NCKAP5: variants seen among roughly 807,000 people sequenced by gnomAD.
NCKAP5 encodes nck-associated protein 5.
A neutral mutation model predicts 167.0 loss-of-function variants in NCKAP5; 92 were observed. The ratio of observed to expected loss-of-function variants is 0.55; its 90% CI spans 0.47 to 0.66. The LOEUF is 0.66. Among genes scored for constraint, NCKAP5 ranks in the 30% least tolerant of loss-of-function variants. NCKAP5 has a pLI of 0.00. For synonymous variants in NCKAP5, 891 were observed against 877.4 expected (o/e 1.02, Z -0.27); for missense variants, 2,378 against 2,315.0 (o/e 1.03, Z -0.56).
intron 8 of NCKAP5, among the ~76,000 whole-genome samples, chr2:132,921,698 C>G (rs1246039320): frequency 1.3e-5 from 2 of 152,188 alleles, no homozygotes; most frequent in Non-Finnish European, 2.9e-5. Context: ...CCTGGGCCAA[C>G]ATCAATTACC....
At chr2:132,683,310 G>T (rs1685493095) in intron 19 of NCKAP5, among the ~76,000 whole-genome samples, 1 of 152,144 alleles carries the variant, frequency 6.6e-6, no homozygotes. Context: ...TGGATGGAAA[G>T]AAAAGGAGGG....
the NCKAP5 span, among the ~76,000 whole-genome samples, chr2:133,649,770 T>C: frequency 6.6e-6 from 1 of 152,130 alleles, no homozygotes; most frequent in Non-Finnish European, 1.5e-5. Context: ...GAAAAGCCCA[T>C]GACCAACATC....
At chr2:133,356,624 A>T (rs1318470145) in intron 3 of NCKAP5, among the ~76,000 whole-genome samples, 1 of 152,182 alleles carries the variant, frequency 6.6e-6, no homozygotes, top group Non-Finnish European at 1.5e-5. Context: ...GGGTTATATC[A>T]CCAAATCAAC....
At chr2:133,236,059 C>T (rs1275387290) in intron 4 of NCKAP5, among the ~76,000 whole-genome samples, 2 of 109,856 alleles carry the variant, frequency 1.8e-5, no homozygotes, top group African/African-American at 7.9e-5. Context: ...AATCAAGACC[C>T]TGTCTCAGAC....
chr2:132,768,944 T>G (rs1166853888), intron 16 of NCKAP5, among the ~76,000 whole-genome samples: 3 of 116,506 alleles, frequency 2.6e-5, no homozygotes, highest in Admixed American at 1.6e-4. Flanking sequence ...TGGCCCTTTT[T>G]TTTTTTTTTT....
At position 133,104,889 on chromosome 2, in the gene NCKAP5, A is replaced by T. The variant is rs553865021; in HGVS notation, c.341+25089T>A. Among the ~76,000 whole-genome samples the T allele has an allele frequency of 8.5e-4, 130 of 152,292 alleles. 1 individual carries two copies. Among genetic ancestry groups the T allele is most frequent in the African/African-American group, 2.9e-3 (120 of 41,570 alleles). Reference sequence around the variant, plus strand: ...TGTGAACTCACTCACTTGTTCATTAACTGTTACTGTATTACCATCCTTTTG... The same window carrying T: ...TGTGAACTCACTCACTTGTTCATTATCTGTTACTGTATTACCATCCTTTTG... On this transcript the variant is annotated intron_variant, in intron 6 of 19. Coordinates refer to ENST00000409261, the MANE Select transcript of NCKAP5 (RefSeq NM_207363.3).
At position 133,225,805 on chromosome 2, in the gene NCKAP5, T is replaced by TTC. The variant is rs1464681192; in HGVS notation, c.144-12027_144-12026insGA. Among the ~76,000 whole-genome samples the TTC allele has an allele frequency of 2.8e-5, 4 of 142,112 alleles. 1 individual carries two copies. The South Asian group carries it at 6.9e-4, about 24-fold the overall frequency. The allele number at this position is 142,112 out of a possible 152,430, so 93.2% of individuals were successfully genotyped here. ...TTTTTTTTTTTTTTTTTTTTTTTTT[T>TTC]CGGAGTCTCCCTCTGCCACCAGGCT... is the stretch of plus-strand genomic sequence containing the variant. On this transcript the variant is annotated intron_variant, in intron 4 of 19. Coordinates refer to ENST00000409261, the MANE Select transcript of NCKAP5 (RefSeq NM_207363.3).
At chr2:133,607,069 C>G in the NCKAP5 span, among the ~76,000 whole-genome samples, 7 of 152,280 alleles carry the variant, frequency 4.6e-5, no homozygotes, top group Admixed American at 3.3e-4. Context: ...CGAAAGTGAG[C>G]CTGAAATATA....
At chr2:132,789,509 G>A (rs2105102567) in intron 13 of NCKAP5, among the ~76,000 whole-genome samples, 1 of 152,292 alleles carries the variant, frequency 6.6e-6, no homozygotes, top group Non-Finnish European at 1.5e-5. Context: ...CTAAAACCAT[G>A]AACTAAATTT....
At chr2:133,640,230 C>T in the NCKAP5 span, among the ~76,000 whole-genome samples, 1 of 152,090 alleles carries the variant, frequency 6.6e-6, no homozygotes, top group Admixed American at 6.6e-5. Flanking sequence ...GGTGCATGGG[C>T]CTTTACTATA....
At chr2:133,569,090 C>G (rs1402356992), upstream of NCKAP5, among the ~76,000 whole-genome samples, 1 of 152,076 alleles carries the variant, frequency 6.6e-6, no homozygotes, top group Non-Finnish European at 1.5e-5. Flanking sequence ...CCACCTGCAC[C>G]ACCCCCGACA....
intron 5 of NCKAP5, among the ~76,000 whole-genome samples, chr2:133,150,982 T>C (rs530711393): frequency 1.3e-5 from 2 of 152,308 alleles, no homozygotes; most frequent in Admixed American, 6.5e-5. Flanking sequence ...TCTCACTTTA[T>C]ATTAAAGAGA....
chr2:132,941,012 C>T (rs1553485546), intron 8 of NCKAP5, among the ~76,000 whole-genome samples: 1 of 151,972 alleles, frequency 6.6e-6, no homozygotes, highest in Non-Finnish European at 1.5e-5. Context: ...TCATTTGCTA[C>T]ATAAAGGAAA....
chr2:133,226,875 C>T (rs2086917961), intron 4 of NCKAP5, among the ~76,000 whole-genome samples: 1 of 152,150 alleles, frequency 6.6e-6, no homozygotes, highest in African/African-American at 2.4e-5. Flanking sequence ...CTCTGACAAA[C>T]TAATACATCC....
At chr2:133,308,706 T>A (rs1680992517) in intron 3 of NCKAP5, among the ~76,000 whole-genome samples, 1 of 129,718 alleles carries the variant, frequency 7.7e-6, no homozygotes, top group Admixed American at 7.6e-5. Context: ...TTTTTTTTTT[T>A]TTTTTTTTTT....
At chr2:133,604,491 A>G in the NCKAP5 span, among the ~76,000 whole-genome samples, 1 of 152,002 alleles carries the variant, frequency 6.6e-6, no homozygotes, top group East Asian at 1.9e-4. Context: ...CAGGTCTGAG[A>G]CACCTCACCC....
chr2:133,565,244 A>G (rs1688463717), intron 1 of NCKAP5, among the ~76,000 whole-genome samples: 1 of 152,192 alleles, frequency 6.6e-6, no homozygotes, highest in South Asian at 2.1e-4. Context: ...GAACTTTTTA[A>G]CCATGGCTGG....
At chr2:132,794,234 A>ATATG (rs1207344136) in intron 12 of NCKAP5, among the ~76,000 whole-genome samples, 1 of 37,888 alleles carries the variant, frequency 2.6e-5, no homozygotes, top group South Asian at 1.2e-3. Flanking sequence ...ATATATATAT[A>ATATG]TATATATATA....
intron 5 of NCKAP5, among the ~76,000 whole-genome samples, chr2:133,176,628 C>A (rs1278242830): frequency 2.0e-5 from 3 of 152,212 alleles, no homozygotes; most frequent in South Asian, 2.1e-4. Context: ...GTGCTAGTAA[C>A]CTGGTTTCTA....
Sources: gnomAD v4.1 joint callset for allele counts (sites outside exome capture counted in the v4.1 genomes callset) on GRCh38, gnomAD v4.1.1 for gene constraint, MANE v1.5 for transcripts, NCBI Gene and HGNC (gene_info 2026-07-23, HGNC 2026-07-21) for gene names.